FAT4: variants seen among roughly 807,000 people sequenced by gnomAD.
FAT4 encodes FAT atypical cadherin 4.
Under a neutral mutation model 303.9 loss-of-function variants are expected in FAT4, and 84 were observed. That is an observed-to-expected ratio of 0.28 (90% CI 0.23 to 0.33). The LOEUF is 0.33. Ranked by LOEUF, FAT4 falls within the 10% of genes least tolerant of loss-of-function variation. FAT4 has a pLI of 1.00. For missense variants in FAT4, 6,005 were observed against 6,146.8 expected (o/e 0.98, Z 0.77); for synonymous variants, 2,307 against 2,298.8 (o/e 1.00, Z -0.10).
At chr4:125,326,800 C>T (rs1241629040) in intron 2 of FAT4, among the ~76,000 whole-genome samples, 1 of 152,136 alleles carries the variant, frequency 6.6e-6, no homozygotes, top group Non-Finnish European at 1.5e-5. Flanking sequence ...CCAAGGCAGA[C>T]AATTCCTTGA....
Position 125,446,280 on chromosome 4 carries a change from C to T in FAT4, c.7200-13C>T, listed in dbSNP as rs1175201614. 1 of 1,605,792 alleles carries T rather than the reference C, an allele frequency of 6.2e-7. No homozygotes were observed. Among genetic ancestry groups the T allele is most frequent in the African/African-American group, 1.3e-5 (1 of 74,858 alleles). ...ACTATATGACATATCCCTATTTCTGCTTTCTGCTTTAGTTATAGGATCATC... is the reference window on the plus strand; with the variant it reads ...ACTATATGACATATCCCTATTTCTGTTTTCTGCTTTAGTTATAGGATCATC... On this transcript the variant is annotated splice_polypyrimidine_tract_variant and intron_variant, in intron 8 of 17. Coordinates refer to ENST00000394329, the MANE Select transcript of FAT4 (RefSeq NM_001291303.3).
intron 2 of FAT4, among the ~76,000 whole-genome samples, chr4:125,351,271 C>T (rs1187831322): frequency 6.6e-6 from 1 of 151,546 alleles, no homozygotes; most frequent in Admixed American, 6.6e-5. Flanking sequence ...ACAGATAAAA[C>T]AATAGAACAA....
intron 7 of FAT4, among the ~76,000 whole-genome samples, chr4:125,422,641 T>G (rs2126033969): frequency 6.6e-6 from 1 of 152,272 alleles, no homozygotes; most frequent in South Asian, 2.1e-4. Flanking sequence ...TAAACCTCTT[T>G]CCTTTATAAA....
intron 2 of FAT4, among the ~76,000 whole-genome samples, chr4:125,390,969 G>A (rs995611200): frequency 6.6e-6 from 1 of 152,130 alleles, no homozygotes; most frequent in African/African-American, 2.4e-5. Flanking sequence ...ACCACATGGA[G>A]ATACCATCTC....
At chr4:125,345,352 CTGTT>C (rs1033212598) in intron 2 of FAT4, among the ~76,000 whole-genome samples, 1 of 151,486 alleles carries the variant, frequency 6.6e-6, no homozygotes, top group African/African-American at 2.4e-5. Flanking sequence ...TTTGGGGTCT[CTGTT>C]TGAAATGACA....
intron 5 of FAT4, among the ~76,000 whole-genome samples, chr4:125,414,481 C>G (rs1034789082): frequency 6.6e-6 from 1 of 152,094 alleles, no homozygotes; most frequent in African/African-American, 2.4e-5. Context: ...AGTACACTTA[C>G]AGCATTCATG....
At chr4:125,423,965 C>T (rs555367074) in intron 7 of FAT4, among the ~76,000 whole-genome samples, 6 of 152,356 alleles carry the variant, frequency 3.9e-5, no homozygotes, top group Admixed American at 3.9e-4. Flanking sequence ...AATGCCTGTA[C>T]CGTATTATAT....
chr4:125,387,575 C>T (rs2126003826), intron 2 of FAT4, among the ~76,000 whole-genome samples: 1 of 152,258 alleles, frequency 6.6e-6, no homozygotes, highest in East Asian at 1.9e-4. Context: ...TGTATTCCCA[C>T]CACTCCTCTA....
intron 12 of FAT4, among the ~76,000 whole-genome samples, chr4:125,475,656 A>G (rs768280372): frequency 1.3e-5 from 2 of 152,180 alleles, no homozygotes; most frequent in Non-Finnish European, 2.9e-5. Context: ...TTCAAATTTT[A>G]ATCCAAATAT....
At chr4:125,467,149 AAC>A (rs141727461) in intron 11 of FAT4, among the ~76,000 whole-genome samples, 52,834 of 151,874 alleles carry the variant, frequency 0.35, 9,570 homozygotes, top group East Asian at 0.59. Context: ...AAAGATAAAT[AAC>A]ACAAACTTTT....
intron 7 of FAT4, among the ~76,000 whole-genome samples, chr4:125,424,181 G>A (rs141084030): frequency 6.6e-6 from 1 of 152,072 alleles, no homozygotes; most frequent in Non-Finnish European, 1.5e-5. Context: ...GATATGATTT[G>A]GCTGTGTGCC....
chr4:125,360,245 A>G (rs1732601029), intron 2 of FAT4, among the ~76,000 whole-genome samples: 1 of 152,160 alleles, frequency 6.6e-6, no homozygotes, highest in South Asian at 2.1e-4. Flanking sequence ...TCTTTCCTCA[A>G]TGGCTAAGAG....
At chr4:125,418,927 A>G (rs1181373829) in intron 7 of FAT4, among the ~76,000 whole-genome samples, 1 of 152,140 alleles carries the variant, frequency 6.6e-6, no homozygotes, top group Non-Finnish European at 1.5e-5. Context: ...TAAATGGAGC[A>G]AGTAGCAGGA....
intron 14 of FAT4, among the ~76,000 whole-genome samples, chr4:125,479,137 T>C (rs1727135377): frequency 3.3e-5 from 5 of 152,212 alleles, no homozygotes; most frequent in Admixed American, 3.3e-4. Flanking sequence ...TCCCTTATTT[T>C]ATTTAGGTCT....
chr4:125,412,737 T>C (rs187532436), intron 5 of FAT4, among the ~76,000 whole-genome samples: 16 of 152,034 alleles, frequency 1.1e-4, no homozygotes. Context: ...TTGATTTATG[T>C]AGAAATGTTA....
intron 7 of FAT4, among the ~76,000 whole-genome samples, chr4:125,422,745 AC>A (rs1724950443): frequency 6.6e-6 from 1 of 152,188 alleles, no homozygotes; most frequent in South Asian, 2.1e-4. Flanking sequence ...CTGTAAAAAT[AC>A]CAAAGTGACT....
chr4:125,382,735 T>C (rs1394845317), intron 2 of FAT4, among the ~76,000 whole-genome samples: 1 of 152,230 alleles, frequency 6.6e-6, no homozygotes, highest in Non-Finnish European at 1.5e-5. Context: ...GCTATGAATG[T>C]CTCATGTGGC....
chr4:125,442,024 A>G (rs908957965), intron 8 of FAT4, among the ~76,000 whole-genome samples: 16 of 152,206 alleles, frequency 1.1e-4, no homozygotes, highest in African/African-American at 3.9e-4. Context: ...TGCTCTTGCC[A>G]TATGATGGTA....
intron 12 of FAT4, among the ~76,000 whole-genome samples, chr4:125,472,426 C>G (rs557148724): frequency 6.6e-6 from 1 of 152,164 alleles, no homozygotes; most frequent in African/African-American, 2.4e-5. Context: ...ATGTTTTTAA[C>G]CAAGCTTTTG....
Sources: allele counts gnomAD v4.1 joint callset (sites outside exome capture counted in the v4.1 genomes callset), GRCh38; gene constraint gnomAD v4.1.1; transcripts MANE v1.5; gene names NCBI Gene and HGNC (gene_info 2026-07-23, HGNC 2026-07-21).